The following TMEM114 variants were observed in gnomAD, a reference collection of about 807,000 sequenced individuals.
TMEM114 encodes transmembrane protein 114, also known as claudin-26.
A neutral mutation model predicts 6.2 loss-of-function variants in TMEM114; 6 were observed. That is an observed-to-expected ratio of 0.97 (90% CI 0.53 to 1.91). The LOEUF (loss-of-function observed/expected upper bound fraction) is 1.91. Ranked by LOEUF, TMEM114 falls within the 40% of genes most tolerant of loss-of-function variation. The pLI is 0.01. For missense variants in TMEM114, 218 were observed against 158.3 expected, an observed-to-expected ratio of 1.38 and a Z score of -2.02; for synonymous variants, 104 against 73.0, an observed-to-expected ratio of 1.42 and a Z score of -2.16.
In TMEM114 at chr16:8,572,073, G is replaced by T; in HGVS notation, c.439+14C>A. On this transcript the variant is annotated intron_variant, in intron 3 of 3. Transcript: ENST00000620492. ...AGACCACAAGCCAGAGCCCTAGGCA[G>T]GGTGGGCACCTACCTCCAAAGAGGA... 6.5e-7 allele frequency: 1 copy of T among 1,532,718 alleles called. No individual in the cohort carries two copies. Among genetic ancestry groups the T allele is most frequent in the South Asian group, 1.3e-5 (1 of 79,962 alleles). The allele number at this position is 1,532,718 out of a possible 1,614,324, so 94.9% of individuals were successfully genotyped here.
intron 2 of TMEM114, 120 bp from the exon 3 acceptor site, chr16:8,572,344 A>G: frequency 9.6e-7 from 1 of 1,040,452 alleles, no homozygotes; most frequent in Admixed American, 2.1e-5. Flanking sequence ...CACTGCCCCT[A>G]CGACGATTAC....
downstream of TMEM114, among the ~76,000 whole-genome samples, chr16:8,568,339 G>T (rs890188592): frequency 6.6e-6 from 1 of 152,144 alleles, no homozygotes; most frequent in Non-Finnish European, 1.5e-5. Context: ...CTGACTGACC[G>T]ACTGGCGTGG....
At chr16:8,534,797 G>T (rs1038525412), downstream of TMEM114, among the ~76,000 whole-genome samples, 3 of 152,206 alleles carry the variant, frequency 2.0e-5, no homozygotes, top group Admixed American at 6.5e-5. Context: ...CGCTATGGTT[G>T]TACTCCTAGA....
chr16:8,550,576 G>T (rs1019594878), intron 2 of TMEM114, among the ~76,000 whole-genome samples: 70 of 151,962 alleles, frequency 4.6e-4, no homozygotes, highest in African/African-American at 1.5e-3. Flanking sequence ...GACTCTGGAG[G>T]CTGAGGCAGA....
intron 2 of TMEM114, among the ~76,000 whole-genome samples, chr16:8,557,394 G>T (rs545704875): frequency 6.6e-6 from 1 of 152,082 alleles, no homozygotes; most frequent in Admixed American, 6.6e-5. Flanking sequence ...GAAAGGCCCC[G>T]AGATGATGTA....
At chr16:8,547,280 A>T (rs7204500) in intron 2 of TMEM114, among the ~76,000 whole-genome samples, 9 of 152,014 alleles carry the variant, frequency 5.9e-5, no homozygotes, top group African/African-American at 1.5e-4. Flanking sequence ...ATTTCTCCAA[A>T]GGGGTTAAGC....
intron 3 of TMEM114, 62 bp from the exon 4 acceptor site, chr16:8,570,067 C>T: frequency 6.7e-7 from 1 of 1,498,370 alleles, no homozygotes; most frequent in South Asian, 1.3e-5. Flanking sequence ...CTCCCCTCCT[C>T]CTCCTCGCCC....
intron 2 of TMEM114, among the ~76,000 whole-genome samples, chr16:8,555,572 G>A (rs935502647): frequency 6.6e-6 from 1 of 152,108 alleles, no homozygotes; most frequent in Non-Finnish European, 1.5e-5. Context: ...TGCGTCTTTT[G>A]GTTCCTCGTC....
intron 2 of TMEM114, among the ~76,000 whole-genome samples, chr16:8,558,717 T>C (rs1901096974): frequency 1.3e-5 from 2 of 150,606 alleles, no homozygotes; most frequent in Admixed American, 1.3e-4. Flanking sequence ...AGGTGGAAGA[T>C]CAGATGCCAG....
rs370934939 is a variant in TMEM114 at position 8,555,462 on chromosome 16, G to C, written n.213-17636C>G. ...TTCAGAATCAGCTAGAAAATGAGCA[G>C]TAATTTCCGGGTGGTGGGGAGGTGT... On this transcript the variant is annotated intron_variant and non_coding_transcript_variant, in intron 2 of 2. Coordinates refer to the TMEM114 transcript ENST00000623677. 2.5e-3 allele frequency among the ~76,000 whole-genome samples: 304 copies of C among 121,400 alleles called. 4 individuals are homozygous for C. The highest frequency in any genetic ancestry group is 9.5e-3 in the African/African-American group (294 of 31,034). 79.6% of individuals were successfully genotyped at this position (121,400 alleles called of 152,430 possible).
intron 2 of TMEM114, among the ~76,000 whole-genome samples, chr16:8,553,424 T>TA (rs1482538210): frequency 1.3e-5 from 2 of 152,034 alleles, no homozygotes; most frequent in Non-Finnish European, 2.9e-5. Flanking sequence ...GGGGACTGAG[T>TA]CTCACTCTGT....
chr16:8,543,913 C>T (rs1900587361), intron 2 of TMEM114, among the ~76,000 whole-genome samples: 1 of 152,174 alleles, frequency 6.6e-6, no homozygotes, highest in African/African-American at 2.4e-5. Flanking sequence ...CAGTAAATTC[C>T]TTGTGTAAAA....
chr16:8,559,462 A>T (rs142066140), intron 2 of TMEM114, among the ~76,000 whole-genome samples: 6 of 152,292 alleles, frequency 3.9e-5, no homozygotes, highest in East Asian at 1.9e-4. Context: ...TCGGCCCGCC[A>T]TGGGCTCCCT....
At chr16:8,579,500 G>A (rs1354563982) in intron 2 of TMEM114, among the ~76,000 whole-genome samples, 2 of 152,008 alleles carry the variant, frequency 1.3e-5, no homozygotes, top group Non-Finnish European at 2.9e-5. Flanking sequence ...TGGAGGATGG[G>A]GGCTGCCTCT....
chr16:8,532,966 C>G (rs1900259513), downstream of TMEM114, among the ~76,000 whole-genome samples: 1 of 152,082 alleles, frequency 6.6e-6, no homozygotes, highest in Non-Finnish European at 1.5e-5. Flanking sequence ...TTCATTCATT[C>G]AACAGATGTT....
downstream of TMEM114, among the ~76,000 whole-genome samples, chr16:8,568,321 T>G (rs1405163151): frequency 3.3e-5 from 5 of 152,154 alleles, no homozygotes. Flanking sequence ...TGAGTGTTTG[T>G]TGAATGACTG....
downstream of TMEM114, among the ~76,000 whole-genome samples, chr16:8,568,429 G>T (rs753174900): frequency 5.3e-5 from 8 of 151,904 alleles, no homozygotes; most frequent in Non-Finnish European, 1.0e-4. Flanking sequence ...ATGTCGTTGT[G>T]GTGGTGATGT....
At chr16:8,529,452 G>C in the TMEM114 span, among the ~76,000 whole-genome samples, 2 of 152,166 alleles carry the variant, frequency 1.3e-5, no homozygotes, top group Admixed American at 1.3e-4. Flanking sequence ...TTGTTGAAGA[G>C]AATTGAATAT....
the TMEM114 span, among the ~76,000 whole-genome samples, chr16:8,529,695 C>T: frequency 2.6e-3 from 392 of 151,788 alleles, 5 homozygotes; most frequent in African/African-American, 8.9e-3. Flanking sequence ...AGTTCTGAAT[C>T]CTAGCTGGAC....
Sources: allele counts gnomAD v4.1 joint callset (sites outside exome capture counted in the v4.1 genomes callset), GRCh38; gene constraint gnomAD v4.1.1; transcripts MANE v1.5; gene names NCBI Gene and HGNC (gene_info 2026-07-23, HGNC 2026-07-21).